The following DNAJC3 variants were observed in gnomAD, a reference collection of about 807,000 sequenced individuals.
DNAJC3 encodes dnaJ homolog subfamily C member 3.
In DNAJC3, 38 loss-of-function variants were observed where a neutral mutation model predicts 68.6. The observed-to-expected ratio is 0.55, with a 90% CI of 0.43 to 0.73. The LOEUF is 0.73. DNAJC3 is among the 30% of genes least tolerant of loss of function. The pLI, the probability that DNAJC3 is intolerant of heterozygous loss-of-function variation, is 0.00. For synonymous variants in DNAJC3, 203 were observed against 204.0 expected, an observed-to-expected ratio of 1.00 and a Z score of 0.04; for missense variants, 526 against 591.9, an observed-to-expected ratio of 0.89 and a Z score of 1.16.
In DNAJC3 at chr13:95,725,295, A is replaced by G. The variant is rs1881472854; in HGVS notation, c.393+43A>G. On this transcript the variant is annotated intron_variant, in intron 4 of 11. Transcript: ENST00000602402. The stretch of plus-strand genomic sequence containing the variant: ...TTGACTCTAGGAAGATGTTATTTTG[A>G]GAGAACGTATTTGACCTTTTTTATA... 4.8e-6 allele frequency: 7 copies of G among 1,456,614 alleles called. No homozygotes were observed. In the African/African-American group the frequency reaches 8.6e-5, roughly 18 times the overall value. The allele number at this position is 1,456,614 out of a possible 1,614,324, so 90.2% of individuals were successfully genotyped here.
chr13:95,685,225 G>A (rs1880041262), intron 1 of DNAJC3, among the ~76,000 whole-genome samples: 1 of 152,258 alleles, frequency 6.6e-6, no homozygotes. Context: ...GGCCTTGGGA[G>A]CTCACCCCTT....
intron 1 of DNAJC3, among the ~76,000 whole-genome samples, chr13:95,688,600 A>G (rs1880131949): frequency 6.6e-6 from 1 of 150,562 alleles, no homozygotes; most frequent in African/African-American, 2.5e-5. Context: ...ACTGCAACCT[A>G]CGCCTCCCAC....
intron 1 of DNAJC3, among the ~76,000 whole-genome samples, chr13:95,690,822 A>G (rs1166118543): frequency 6.0e-3 from 260 of 43,324 alleles, no homozygotes; most frequent in Middle Eastern, 0.02. Context: ...CGGACGGGGC[A>G]GCTGGCCGGG....
intron 4 of DNAJC3, among the ~76,000 whole-genome samples, chr13:95,754,608 AG>A (rs1882595152): frequency 1.3e-5 from 2 of 152,120 alleles, no homozygotes; most frequent in African/African-American, 4.8e-5. Flanking sequence ...GCACATTGGG[AG>A]GCCAAGGTGG....
intron 9 of DNAJC3, among the ~76,000 whole-genome samples, chr13:95,767,175 TC>T (rs1248662751): frequency 6.6e-6 from 1 of 152,270 alleles, no homozygotes. Flanking sequence ...AAACAGCCGC[TC>T]CTTTTTACCT....
Position 95,791,082 on chromosome 13 carries a change from A to T in DNAJC3, c.*52A>T. On this transcript the variant is annotated 3_prime_UTR_variant, in exon 12 of 12. Coordinates refer to ENST00000602402, the MANE Select transcript of DNAJC3 (RefSeq NM_006260.5). ...TTTTTTTAAAGATTAAAAACAAAGA[A>T]ATCTTGTTCCGGGACCCTAATGAAA... 6.3e-6 allele frequency: 10 copies of T among 1,592,852 alleles called. No homozygotes were observed. Among genetic ancestry groups the T allele is most frequent in the Non-Finnish European group, 8.5e-6 (10 of 1,171,710 alleles).
chr13:95,700,027 C>G (rs1880543993), intron 1 of DNAJC3, among the ~76,000 whole-genome samples: 1 of 152,218 alleles, frequency 6.6e-6, no homozygotes, highest in Middle Eastern at 3.4e-3. Flanking sequence ...CTTGTCCAGA[C>G]TGGTCTTGAA....
chr13:95,790,387 G>T (rs1883731585), intron 11 of DNAJC3, among the ~76,000 whole-genome samples: 2 of 152,116 alleles, frequency 1.3e-5, no homozygotes, highest in African/African-American at 2.4e-5. Context: ...GAACCTCCTG[G>T]AGTTGTATGT....
intron 9 of DNAJC3, among the ~76,000 whole-genome samples, chr13:95,764,719 CACATAT>C (rs1882938735): frequency 3.0e-5 from 3 of 98,824 alleles, no homozygotes; most frequent in African/African-American, 1.2e-4. Flanking sequence ...TATATATATA[CACATAT>C]ATATATATAC....
chr13:95,720,132 G>C (rs1467717738), intron 2 of DNAJC3, among the ~76,000 whole-genome samples: 1 of 152,090 alleles, frequency 6.6e-6, no homozygotes, highest in East Asian at 1.9e-4. Flanking sequence ...TGCAGTAAGG[G>C]ATATGTATTA....
intron 1 of DNAJC3, among the ~76,000 whole-genome samples, chr13:95,699,099 G>C (rs1880523768): frequency 6.6e-6 from 1 of 152,178 alleles, no homozygotes; most frequent in Non-Finnish European, 1.5e-5. Context: ...GGGGAAAGAA[G>C]GGTCTGCACC....
At chr13:95,708,719 A>G (rs912453555) in intron 1 of DNAJC3, among the ~76,000 whole-genome samples, 6 of 152,128 alleles carry the variant, frequency 3.9e-5, no homozygotes, top group African/African-American at 1.4e-4. Flanking sequence ...AACATACTAT[A>G]TAATTTACTT....
intron 7 of DNAJC3, 37 bp from the exon 8 acceptor site, chr13:95,763,605 AT>A: frequency 1.3e-6 from 2 of 1,593,514 alleles, no homozygotes; most frequent in Non-Finnish European, 1.7e-6. Context: ...TGGAAATCAA[AT>A]GTCATCATTT....
intron 4 of DNAJC3, among the ~76,000 whole-genome samples, chr13:95,739,891 C>T (rs1050018406): frequency 8.5e-5 from 13 of 152,188 alleles, no homozygotes; most frequent in African/African-American, 3.1e-4. Flanking sequence ...ATGCGCTCTG[C>T]TTTTTAGAGT....
At chr13:95,754,584 C>T (rs371647385) in intron 4 of DNAJC3, among the ~76,000 whole-genome samples, 8 of 151,710 alleles carry the variant, frequency 5.3e-5, no homozygotes, top group South Asian at 4.1e-4. Flanking sequence ...CAGTGGCTCA[C>T]GCCTGTAATC....
At chr13:95,753,563 G>A (rs1230669216) in intron 4 of DNAJC3, among the ~76,000 whole-genome samples, 1 of 151,978 alleles carries the variant, frequency 6.6e-6, no homozygotes, top group Non-Finnish European at 1.5e-5. Flanking sequence ...AATTTCTTGA[G>A]GAATTAGCAA....
At chr13:95,752,207 T>C (rs1473939672) in intron 4 of DNAJC3, among the ~76,000 whole-genome samples, 3 of 147,182 alleles carry the variant, frequency 2.0e-5, no homozygotes, top group Admixed American at 6.6e-5. Flanking sequence ...CAGGATCTCA[T>C]TATAGTGTTA....
chr13:95,686,212 T>A (rs1159299765), intron 1 of DNAJC3, among the ~76,000 whole-genome samples: 1 of 152,088 alleles, frequency 6.6e-6, no homozygotes, highest in African/African-American at 2.4e-5. Flanking sequence ...CCACCCGCCT[T>A]GGCCTCCCAA....
intron 4 of DNAJC3, among the ~76,000 whole-genome samples, chr13:95,748,210 T>C (rs2139664527): frequency 6.6e-6 from 1 of 152,298 alleles, no homozygotes; most frequent in Non-Finnish European, 1.5e-5. Flanking sequence ...TCAATTTAAA[T>C]AGTCCTTTCA....
Sources: gnomAD v4.1 joint callset for allele counts (sites outside exome capture counted in the v4.1 genomes callset) on GRCh38, gnomAD v4.1.1 for gene constraint, MANE v1.5 for transcripts, NCBI Gene and HGNC (gene_info 2026-07-23, HGNC 2026-07-21) for gene names.